CES5A: variants seen among roughly 807,000 people sequenced by gnomAD.
The protein encoded by CES5A is carboxylesterase 5A, also known as carboxylesterase 5.
CES5A carries 67 observed loss-of-function variants against 62.9 expected under a neutral mutation model. The observed-to-expected ratio is 1.07, with a 90% CI of 0.88 to 1.31. The LOEUF is 1.31. CES5A is among the 50% of genes most tolerant of loss of function. CES5A has a pLI of 0.00. For missense variants in CES5A, 748 were observed against 708.5 expected (o/e 1.06, Z -0.63); for synonymous variants, 296 against 280.8 (o/e 1.05, Z -0.54).
intron 1 of CES5A, among the ~76,000 whole-genome samples, chr16:55,902,296 C>T (rs1342151405): frequency 6.6e-6 from 1 of 152,184 alleles, no homozygotes; most frequent in African/African-American, 2.4e-5. Context: ...GTGACAACTT[C>T]TGTCCAGTTT....
intron 2 of CES5A, among the ~76,000 whole-genome samples, chr16:55,937,396 G>A (rs1354701622): frequency 1.3e-5 from 2 of 152,206 alleles, no homozygotes; most frequent in African/African-American, 2.4e-5. Context: ...ATAAAGCAGT[G>A]AGGCAGGCTT....
intron 1 of CES5A, among the ~76,000 whole-genome samples, chr16:55,888,732 A>C (rs530068137): frequency 2.0e-5 from 3 of 152,330 alleles, no homozygotes; most frequent in Admixed American, 6.5e-5. Context: ...AATCTTCACA[A>C]AATGCTATGG....
rs538468546 is a variant in CES5A, at chr16:55,909,902, G to C, written c.-256+15421C>G. ...AGGAGCCCCCAGCCCTGCCTTCCAA[G>C]ATGGTGTGAGTGCTTACTGTCTGCT... On this transcript the variant is annotated intron_variant, in intron 1 of 12. Transcript: ENST00000518005. Among the ~76,000 whole-genome samples the C allele has an allele frequency of 2.8e-4, 42 of 152,296 alleles. No individual in the cohort carries two copies. In the South Asian group the frequency reaches 6.8e-3, roughly 25 times the overall value.
intron 1 of CES5A, among the ~76,000 whole-genome samples, chr16:55,953,220 T>C (rs1450425573): frequency 2.6e-5 from 4 of 152,212 alleles, no homozygotes; most frequent in African/African-American, 9.6e-5. Flanking sequence ...AGACCCACAG[T>C]GTACATCGTA....
intron 1 of CES5A, among the ~76,000 whole-genome samples, chr16:55,909,570 G>GCACACACACACACACACA (rs34468527): frequency 5.3e-5 from 8 of 150,156 alleles, no homozygotes; most frequent in Non-Finnish European, 1.2e-4. Flanking sequence ...GTGCGCACGT[G>GCACACACACACACACACA]CACACACACA....
chr16:55,877,479 T>C (rs2033711708), upstream of CES5A, among the ~76,000 whole-genome samples: 1 of 151,908 alleles, frequency 6.6e-6, no homozygotes, highest in African/African-American at 2.4e-5. Flanking sequence ...TATATATATA[T>C]ATATATGACA....
chr16:55,864,997 G>A (rs560579652), intron 5 of CES5A, among the ~76,000 whole-genome samples: 4 of 151,564 alleles, frequency 2.6e-5, no homozygotes, highest in East Asian at 1.9e-4. Context: ...ACCTGAAGTC[G>A]GGAGTTTGAG....
In CES5A at chr16:55,953,835, C is replaced by T. The variant is rs528755393; in HGVS notation, c.42+2009G>A. ...GGCACGCAATGTGTAATAATCACAT[C>T]GGGGTAATTGGGGTGTCCATCACCT... On this transcript the variant is annotated intron_variant, in intron 1 of 13. Transcript: ENST00000521992. 5.1e-4 allele frequency among the ~76,000 whole-genome samples: 78 copies of T among 152,184 alleles called. No individual in the cohort carries two copies. In the South Asian group the frequency reaches 0.015, roughly 29 times the overall value.
intron 1 of CES5A, among the ~76,000 whole-genome samples, chr16:55,884,654 T>C (rs1321891626): frequency 6.6e-6 from 1 of 152,108 alleles, no homozygotes; most frequent in Non-Finnish European, 1.5e-5. Context: ...TGCAATAGCA[T>C]GATCACAGTT....
chr16:55,891,004 AC>A (rs2033870660), intron 1 of CES5A, among the ~76,000 whole-genome samples: 1 of 152,020 alleles, frequency 6.6e-6, no homozygotes, highest in African/African-American at 2.4e-5. Context: ...CATTCCGATT[AC>A]CTGCTCCACC....
intron 1 of CES5A, among the ~76,000 whole-genome samples, chr16:55,891,358 A>G (rs1273768150): frequency 1.3e-5 from 2 of 152,228 alleles, no homozygotes; most frequent in Non-Finnish European, 2.9e-5. Context: ...AAAATCTTAC[A>G]TTCGAGTGCT....
chr16:55,901,170 C>T (rs2033986923), intron 1 of CES5A, among the ~76,000 whole-genome samples: 1 of 152,176 alleles, frequency 6.6e-6, no homozygotes, highest in African/African-American at 2.4e-5. Context: ...CTCACAAGAT[C>T]TGATGGTTTT....
intron 1 of CES5A, chr16:55,949,957 A>G (rs2034537019): frequency 1.3e-6 from 1 of 743,306 alleles, no homozygotes; most frequent in African/African-American, 1.8e-5. Flanking sequence ...AATAATATAA[A>G]TAAAATATAA....
At chr16:55,933,130 C>A (rs2034331552) in intron 2 of CES5A, among the ~76,000 whole-genome samples, 2 of 152,154 alleles carry the variant, frequency 1.3e-5, no homozygotes, top group African/African-American at 4.8e-5. Flanking sequence ...CCTTCAAGGC[C>A]TATCAGGGAA....
At chr16:55,922,883 A>C (rs2034222427) in intron 1 of CES5A, among the ~76,000 whole-genome samples, 1 of 151,930 alleles carries the variant, frequency 6.6e-6, no homozygotes, top group Non-Finnish European at 1.5e-5. Context: ...GAATAACAAC[A>C]AGAACATTGG....
At chr16:55,861,268 T>TTATTTTTTACA in intron 7 of CES5A, 144 bp downstream of exon 7, 1 of 617,690 alleles carries the variant, frequency 1.6e-6, no homozygotes, top group South Asian at 2.0e-5. Context: ...ATATCCCTAC[T>TTATTTTTTACA]TATTTTTTTA....
chr16:55,941,048 C>T lies in CES5A; in HGVS notation c.160+8737G>A, dbSNP rs535246333. On this transcript the variant is annotated intron_variant, in intron 2 of 13. Coordinates refer to the CES5A transcript ENST00000521992. Reference sequence around the variant, plus strand: ...TAAAAAGCCTACAGCTAACATTCTACTTAATGGCAAATTATGAATGTTTTT... The same window carrying T: ...TAAAAAGCCTACAGCTAACATTCTATTTAATGGCAAATTATGAATGTTTTT... 7.2e-5 allele frequency among the ~76,000 whole-genome samples: 11 copies of T among 152,032 alleles called. No homozygotes were observed. In the East Asian group the frequency reaches 2.1e-3, roughly 29 times the overall value.
In CES5A at chr16:55,856,443, C is replaced by A; in HGVS notation, c.1059G>T (p.Lys353Asn). 1 of 1,614,052 alleles carries A rather than the reference C, an allele frequency of 6.2e-7. No individual in the cohort carries two copies. The highest frequency in any genetic ancestry group is 8.5e-7 in the Non-Finnish European group (1 of 1,179,966). Reference protein sequence around the residue: ...NHECGFLLPMKEAPEILSGSN... With the variant: ...NHECGFLLPMNEAPEILSGSN... ...AGCCACTGAGGATCTCAGGAGCCTC[C>A]TTCTGTGGAGAGAAGCGTGCCCTCT... The change falls in exon 9 of 13, where the codon AAG (lysine) becomes AAT (asparagine). Residue 353 changes from lysine (K) to asparagine (N), a missense_variant and splice_region_variant. Physicochemically the swap from Lys to Asn is moderately conservative, Grantham distance 94. Transcript: ENST00000290567.
chr16:55,893,319 A>G (rs570936015), intron 1 of CES5A, among the ~76,000 whole-genome samples: 1 of 152,158 alleles, frequency 6.6e-6, no homozygotes, highest in Non-Finnish European at 1.5e-5. Context: ...TGAAATAGAA[A>G]AAAAAAATTG....
Sources: allele counts gnomAD v4.1 joint callset (sites outside exome capture counted in the v4.1 genomes callset), GRCh38; gene constraint gnomAD v4.1.1; transcripts MANE v1.5; gene names NCBI Gene and HGNC (gene_info 2026-07-23, HGNC 2026-07-21).